MLLT10: variants seen among roughly 807,000 people sequenced by gnomAD.
MLLT10 encodes the protein protein AF-10.
In MLLT10, 30 loss-of-function variants were observed where a neutral mutation model predicts 129.1. That is an observed-to-expected ratio of 0.23 (90% CI 0.17 to 0.32). MLLT10 has a LOEUF of 0.32. MLLT10 is among the 10% of genes least tolerant of loss of function. The probability of loss-of-function intolerance (pLI) is 1.00; values close to 1 mark genes in which losing one functional copy is unlikely to be tolerated. For missense variants in MLLT10, 1,119 were observed against 1,268.3 expected (o/e 0.88, Z 1.79); for synonymous variants, 490 against 446.4 (o/e 1.10, Z -1.23).
intron 21 of MLLT10, among the ~76,000 whole-genome samples, chr10:21,737,283 G>C (rs1025129857): frequency 6.6e-6 from 1 of 152,166 alleles, no homozygotes; most frequent in Non-Finnish European, 1.5e-5. Flanking sequence ...AAGGAAATGG[G>C]AGGGAGAGGA....
At chr10:21,564,526 A>C (rs538157541) in intron 3 of MLLT10, 62 of 151,898 alleles carry the variant, frequency 4.1e-4, no homozygotes, top group African/African-American at 1.4e-3. Context: ...GGAGCATGCT[A>C]ATCTTCTCTG....
At chr10:21,588,357 G>T (rs1333714453) in intron 4 of MLLT10, among the ~76,000 whole-genome samples, 1 of 152,112 alleles carries the variant, frequency 6.6e-6, no homozygotes, top group East Asian at 1.9e-4. Context: ...GTGAGTCACT[G>T]CACCCGGCAT....
chr10:21,589,931 GTCTC>G (rs758155762), intron 4 of MLLT10, among the ~76,000 whole-genome samples: 4 of 149,502 alleles, frequency 2.7e-5, no homozygotes, highest in East Asian at 3.9e-4. Context: ...CCCTTTGTCT[GTCTC>G]TCTCTCTCTT....
intron 8 of MLLT10, among the ~76,000 whole-genome samples, chr10:21,626,732 A>G (rs1295150391): frequency 6.6e-6 from 1 of 152,110 alleles, no homozygotes; most frequent in East Asian, 1.9e-4. Flanking sequence ...TATCATTGGA[A>G]TGACTTCTCT....
intron 3 of MLLT10, among the ~76,000 whole-genome samples, chr10:21,569,802 G>A (rs182642203): frequency 1.3e-5 from 2 of 152,172 alleles, no homozygotes; most frequent in Admixed American, 1.3e-4. Context: ...GAGTGCAGTG[G>A]CACAATCATG....
At chr10:21,540,651 A>T (rs1294365753) in intron 3 of MLLT10, among the ~76,000 whole-genome samples, 2 of 152,226 alleles carry the variant, frequency 1.3e-5, no homozygotes, top group Admixed American at 1.3e-4. Context: ...TTAGTTATGC[A>T]AACCTACCAT....
At position 21,539,009 on chromosome 10, in the gene MLLT10, C is replaced by T. The variant is rs1206390010; in HGVS notation, c.240+97C>T. On this transcript the variant is annotated intron_variant, in intron 3 of 22. Transcript: ENST00000307729. ...TGGTTTGTGGGGTTGTCAGTCATTT[C>T]TTCAAATATCATAATGTAAGAGATA... 3.9e-6 allele frequency: 3 copies of T among 762,962 alleles called. No homozygotes were observed. The African/African-American group carries it at 5.3e-5, about 13-fold the overall frequency. The allele number at this position is 762,962 out of a possible 1,614,324, so 47.3% of individuals were successfully genotyped here.
At position 21,670,483 on chromosome 10, in the gene MLLT10, G is replaced by C. The variant is rs753056738; in HGVS notation, c.830G>C (p.Gly277Ala). ...AGCACTAGCAACAACTCTATATCTG[G>C]ATCATTGAAGCGCTTGGAAGATACT... is the stretch of plus-strand genomic sequence containing the variant. ...YTSTSNNSIS[G>A]SLKRLEDTTA... The change falls in exon 10 of 23, where the codon GGA (glycine) becomes GCA (alanine). Residue 277 changes from glycine to alanine, a missense_variant. Physicochemically the swap from Gly to Ala is moderately conservative, Grantham distance 60 (BLOSUM62 0). This residue lies in a region of MLLT10 where 1,004 missense variants were observed against 1,008.7 expected (regional missense o/e 1.00). Coordinates refer to ENST00000307729, the MANE Select transcript of MLLT10 (RefSeq NM_001195626.3). 1 of 1,613,844 alleles carries C rather than the reference G, an allele frequency of 6.2e-7. No homozygotes were observed. The highest frequency in any genetic ancestry group is 1.7e-5 in the Admixed American group (1 of 59,986).
In MLLT10 at chr10:21,717,780, G is replaced by GCTGCTT. The variant is rs1564711616; in HGVS notation, c.1878+3832_1878+3833insGCTTCT. On this transcript the variant is annotated intron_variant, in intron 14 of 22. Transcript: ENST00000307729. ...CTCCTCCTCCTCCGCTGCTGCTGCT[G>GCTGCTT]CTTCTTCTTCTTCTTCTTCTCCTTC... is the stretch of plus-strand genomic sequence containing the variant. Among the ~76,000 whole-genome samples, 33 of 51,508 alleles carry GCTGCTT rather than the reference G, an allele frequency of 6.4e-4. 2 individuals are homozygous for GCTGCTT. The highest frequency in any genetic ancestry group is 2.3e-3 in the African/African-American group (31 of 13,474). The allele number at this position is 51,508 out of a possible 152,430, so 33.8% of individuals were successfully genotyped here. A position where few individuals can be genotyped will look rare whatever the true frequency, so the allele number is the denominator to read the frequency against.
At chr10:21,710,173 C>T (rs1174751392) in intron 13 of MLLT10, among the ~76,000 whole-genome samples, 3 of 152,326 alleles carry the variant, frequency 2.0e-5, no homozygotes, top group South Asian at 4.1e-4. Context: ...CTTTGGTTCT[C>T]TTCTCTTGAT....
intron 2 of MLLT10, among the ~76,000 whole-genome samples, chr10:21,537,451 C>A (rs1044527235): frequency 5.3e-5 from 8 of 152,034 alleles, no homozygotes; most frequent in Admixed American, 5.2e-4. Context: ...GCACTACCAC[C>A]ACACCTGGCT....
chr10:21,676,620 C>T (rs1373131427), intron 11 of MLLT10, among the ~76,000 whole-genome samples: 1 of 144,684 alleles, frequency 6.9e-6, no homozygotes, highest in Non-Finnish European at 1.5e-5. Context: ...ACTAGGGAGG[C>T]TGAGGCAGGA....
intron 5 of MLLT10, among the ~76,000 whole-genome samples, chr10:21,600,833 C>G (rs1275903328): frequency 2.0e-5 from 3 of 152,262 alleles, no homozygotes; most frequent in South Asian, 4.1e-4. Context: ...CTCCAGCCCC[C>G]CTCTCCCCAA....
At chr10:21,672,670 T>C (rs2051588275) in intron 10 of MLLT10, among the ~76,000 whole-genome samples, 1 of 152,192 alleles carries the variant, frequency 6.6e-6, no homozygotes, top group Non-Finnish European at 1.5e-5. Flanking sequence ...GAATAAGCAG[T>C]GATGGCTGAT....
At chr10:21,603,274 C>G (rs1172867402) in intron 5 of MLLT10, among the ~76,000 whole-genome samples, 2 of 146,126 alleles carry the variant, frequency 1.4e-5, no homozygotes, top group Non-Finnish European at 1.5e-5. Flanking sequence ...ACCATGTTGG[C>G]CAGGCTGGTC....
chr10:21,696,029 G>T (rs942172947), intron 13 of MLLT10, among the ~76,000 whole-genome samples: 5 of 150,574 alleles, frequency 3.3e-5, no homozygotes, highest in African/African-American at 1.2e-4. Flanking sequence ...ATATAAACAG[G>T]ATCTCAGTTT....
At chr10:21,669,923 G>GTT (rs200919714) in intron 9 of MLLT10, among the ~76,000 whole-genome samples, 2 of 149,404 alleles carry the variant, frequency 1.3e-5, no homozygotes, top group African/African-American at 2.5e-5. Context: ...AAATCTTTCT[G>GTT]TTTTTTTTTG....
chr10:21,702,540 A>G (rs986454356), intron 13 of MLLT10, among the ~76,000 whole-genome samples: 4 of 152,230 alleles, frequency 2.6e-5, no homozygotes, highest in Admixed American at 1.3e-4. Flanking sequence ...GTCTCTCACT[A>G]TTATTGTATT....
chr10:21,655,189 C>T (rs996678266), intron 9 of MLLT10, among the ~76,000 whole-genome samples: 1 of 152,032 alleles, frequency 6.6e-6, no homozygotes, highest in Non-Finnish European at 1.5e-5. Context: ...TGTCAAGGAA[C>T]AGAGAGACTG....
Sources: allele counts gnomAD v4.1 joint callset (sites outside exome capture counted in the v4.1 genomes callset), GRCh38; gene constraint gnomAD v4.1.1; regional missense constraint gnomAD v4.1.1; transcripts MANE v1.5; gene names NCBI Gene and HGNC (gene_info 2026-07-23, HGNC 2026-07-21).